Variants in ELOVL7 observed in about 807,000 individuals in gnomAD.
The protein encoded by ELOVL7 is ELOVL fatty acid elongase 7, also known as very long chain fatty acid elongase 7.
A neutral mutation model predicts 35.7 loss-of-function variants in ELOVL7; 27 were observed. The observed-to-expected ratio is 0.76, with a 90% CI of 0.56 to 1.04. The LOEUF is 1.04. Among genes scored for constraint, ELOVL7 ranks in the 50% least tolerant of loss-of-function variants. The pLI, the probability that ELOVL7 is intolerant of heterozygous loss-of-function variation, is 0.00. For synonymous variants in ELOVL7, 113 were observed against 114.6 expected, an observed-to-expected ratio of 0.99 and a Z score of 0.09; for missense variants, 327 against 340.8, an observed-to-expected ratio of 0.96 and a Z score of 0.32.
intron 2 of ELOVL7, among the ~76,000 whole-genome samples, chr5:60,797,128 C>A (rs943545703): frequency 6.6e-6 from 1 of 152,152 alleles, no homozygotes; most frequent in Admixed American, 6.5e-5. Flanking sequence ...GAATGTGGAA[C>A]AGCCTCAGTA....
intron 6 of ELOVL7, among the ~76,000 whole-genome samples, chr5:60,765,510 C>A (rs1047267266): frequency 6.6e-6 from 1 of 152,144 alleles, no homozygotes; most frequent in Non-Finnish European, 1.5e-5. Context: ...AATTCTATTG[C>A]ACAATGTGGG....
chr5:60,833,514 A>C (rs1184587928), intron 1 of ELOVL7, among the ~76,000 whole-genome samples: 2 of 151,224 alleles, frequency 1.3e-5, no homozygotes, highest in Non-Finnish European at 2.9e-5. Flanking sequence ...TCACTTCCCC[A>C]CTCCCCAACT....
At position 60,771,934 on chromosome 5, in the gene ELOVL7, A is replaced by G. The variant is rs1742616171; in HGVS notation, c.224T>C (p.Ile75Thr). 2.5e-6 allele frequency: 4 copies of G among 1,613,424 alleles called. No homozygotes were observed. The highest frequency in any genetic ancestry group is 1.7e-6 in the Non-Finnish European group (2 of 1,179,676). Residue 75 changes from isoleucine (I) to threonine (T), a missense_variant, in exon 4 of 9, where the codon ATA becomes ACA. Transcript: ENST00000508821. ...ACACATATACACAGAAAAGAGTACTATGAAAAAATTGTACGTTATCATTGC... is the reference window on the plus strand; with the variant it reads ...ACACATATACACAGAAAAGAGTACTGTGAAAAAATTGTACGTTATCATTGC... ...KKAMITYNFF[I>T]VLFSVYMCYE... is the part of the protein sequence containing the mutation.
In ELOVL7 at chr5:60,772,016, C is replaced by T. The variant is rs1742625129; in HGVS notation, c.142G>A (p.Val48Ile). ...TILLGFYVYF[V>I]TSLGPKLMEN... ...ATGAGCTTTGGTCCCAAGGAAGTGA[C>T]AAAATAGACATAGAATCCTAGGAGG... is the stretch of plus-strand genomic sequence containing the variant. The change falls in exon 4 of 9, where the codon GTC (valine) becomes ATC (isoleucine). Residue 48 changes from valine (V) to isoleucine (I), a missense_variant. Val to Ile is a conservative substitution (Grantham distance 29, BLOSUM62 3). Coordinates refer to ENST00000508821, the MANE Select transcript of ELOVL7 (RefSeq NM_024930.3). 6.2e-7 allele frequency: 1 copy of T among 1,613,654 alleles called. No homozygotes were observed. Among genetic ancestry groups the T allele is most frequent in the Non-Finnish European group, 8.5e-7 (1 of 1,179,830 alleles).
intron 3 of ELOVL7, 57 bp downstream of exon 3, chr5:60,787,277 T>A: frequency 7.2e-7 from 1 of 1,394,690 alleles, no homozygotes; most frequent in South Asian, 1.2e-5. Flanking sequence ...CTATTAAATA[T>A]GAGAATCTGA....
intron 3 of ELOVL7, among the ~76,000 whole-genome samples, chr5:60,777,112 T>A (rs906355271): frequency 1.3e-5 from 2 of 149,028 alleles, no homozygotes; most frequent in African/African-American, 5.0e-5. Context: ...ACTAGGGGGG[T>A]TGGGGGGGAG....
At chr5:60,831,502 T>C (rs553004239) in intron 1 of ELOVL7, among the ~76,000 whole-genome samples, 1 of 152,246 alleles carries the variant, frequency 6.6e-6, no homozygotes, top group Non-Finnish European at 1.5e-5. Context: ...GGTTCTTCTC[T>C]GTCTAGTGCT....
At position 60,772,067 on chromosome 5, in the gene ELOVL7, T is replaced by G; in HGVS notation, c.91A>C (p.Met31Leu). The G allele has an allele frequency of 6.2e-7, 1 of 1,610,872 alleles. No individual in the cohort carries two copies. The highest frequency in any genetic ancestry group is 8.5e-7 in the Non-Finnish European group (1 of 1,178,476). Residue 31 changes from methionine (M) to leucine (L), a missense_variant, in exon 4 of 9, where the codon ATG becomes CTG. Transcript: ENST00000508821. ...ATGGTTTGTGGCAGAGGCGAGGACA[T>G]GAGGAGCCAATCTTCAACTCTTGGA... Reference protein sequence around the residue: ...ADPRVEDWLLMSSPLPQTILL... With the variant: ...ADPRVEDWLLLSSPLPQTILL...
At chr5:60,841,753 ACTTT>A (rs1747187359) in intron 1 of ELOVL7, among the ~76,000 whole-genome samples, 1 of 152,052 alleles carries the variant, frequency 6.6e-6, no homozygotes, top group Non-Finnish European at 1.5e-5. Context: ...TTTTTTTTTA[ACTTT>A]ATGTGTTTTC....
Position 60,819,238 on chromosome 5 carries a change from T to C in ELOVL7, c.-85-20008A>G, listed in dbSNP as rs146180547. 1.2e-3 allele frequency among the ~76,000 whole-genome samples: 183 copies of C among 151,958 alleles called. 4 individuals carry two copies. The Middle Eastern group carries it at 0.024, about 20-fold the overall frequency. On this transcript the variant is annotated intron_variant, in intron 1 of 8. Transcript: ENST00000508821. ...TTCTTCCTCATTTCCCAACCTAGCATAGACTCTTTTAAAAAAGCAGCTACT... is the reference window on the plus strand; with the variant it reads ...TTCTTCCTCATTTCCCAACCTAGCACAGACTCTTTTAAAAAAGCAGCTACT...
intron 1 of ELOVL7, among the ~76,000 whole-genome samples, chr5:60,834,420 C>G (rs1746666436): frequency 6.6e-6 from 1 of 152,200 alleles, no homozygotes; most frequent in African/African-American, 2.4e-5. Context: ...GCTGGGATTA[C>G]AGGCGTGAGC....
rs1254854590 is a variant in ELOVL7 at position 60,754,332 on chromosome 5, CT to C, written c.*291del. ...TGAAGAGTACTGTATTGCTTCATAT[CT>C]TTTTTTCACTGCAACAAAATGTTTT... On this transcript the variant is annotated 3_prime_UTR_variant, in exon 9 of 9. Transcript: ENST00000508821. The C allele has an allele frequency of 5.3e-5, 19 of 358,262 alleles. No homozygotes were observed. The highest frequency in any genetic ancestry group is 2.9e-4 in the African/African-American group (14 of 48,380). 22.2% of individuals were successfully genotyped at this position (358,262 alleles called of 1,614,324 possible). A position where few individuals can be genotyped will look rare whatever the true frequency, so the allele number is the denominator to read the frequency against.
intron 3 of ELOVL7, among the ~76,000 whole-genome samples, chr5:60,780,293 A>AT (rs974963122): frequency 1.3e-5 from 2 of 151,334 alleles, no homozygotes; most frequent in African/African-American, 2.4e-5. Context: ...TTAATTTTGT[A>AT]TTTTTTAGTA....
At chr5:60,814,712 AG>A (rs1412767722) in intron 1 of ELOVL7, among the ~76,000 whole-genome samples, 1 of 152,242 alleles carries the variant, frequency 6.6e-6, no homozygotes, top group African/African-American at 2.4e-5. Context: ...TAAGCTGTAG[AG>A]GAAGTGTTCA....
intron 1 of ELOVL7, among the ~76,000 whole-genome samples, chr5:60,823,334 T>C (rs1745993522): frequency 6.6e-6 from 1 of 151,868 alleles, no homozygotes; most frequent in Non-Finnish European, 1.5e-5. Flanking sequence ...AGAGCCTAAG[T>C]CTGGATTAGG....
At chr5:60,817,356 AC>A (rs1745571930) in intron 1 of ELOVL7, among the ~76,000 whole-genome samples, 1 of 151,856 alleles carries the variant, frequency 6.6e-6, no homozygotes, top group African/African-American at 2.4e-5. Context: ...ATGTTACTCA[AC>A]AATGTGACAA....
intron 2 of ELOVL7, among the ~76,000 whole-genome samples, chr5:60,789,476 G>A (rs1339805337): frequency 6.6e-6 from 1 of 152,144 alleles, no homozygotes; most frequent in East Asian, 1.9e-4. Context: ...AACTGTGTTG[G>A]CAGGAGTGTG....
chr5:60,819,617 A>G (rs1468628755), intron 1 of ELOVL7, among the ~76,000 whole-genome samples: 1 of 152,128 alleles, frequency 6.6e-6, no homozygotes, highest in Non-Finnish European at 1.5e-5. Context: ...CCCCGTCCCT[A>G]CTAAATATAC....
At chr5:60,757,695 C>T (rs761751172) in intron 7 of ELOVL7, 50 bp from the exon 8 acceptor site, 134 of 1,456,546 alleles carry the variant, frequency 9.2e-5, no homozygotes, top group Middle Eastern at 3.7e-4. Flanking sequence ...TTAAAATGAA[C>T]CACATTTTCA....
Sources: gnomAD v4.1 joint callset for allele counts (sites outside exome capture counted in the v4.1 genomes callset) on GRCh38, gnomAD v4.1.1 for gene constraint, MANE v1.5 for transcripts, NCBI Gene and HGNC (gene_info 2026-07-23, HGNC 2026-07-21) for gene names.